The following SPATS2L variants were observed in gnomAD, a reference collection of about 807,000 sequenced individuals.
SPATS2L encodes spermatogenesis associated serine rich 2 like.
SPATS2L carries 30 observed loss-of-function variants against 59.6 expected under a neutral mutation model. That is an observed-to-expected ratio of 0.50 (90% confidence interval 0.38 to 0.68). The LOEUF (loss-of-function observed/expected upper bound fraction) is 0.68. SPATS2L is among the 30% of genes least tolerant of loss of function. SPATS2L has a pLI of 0.00. For missense variants in SPATS2L, 615 were observed against 700.0 expected (o/e 0.88, Z 1.37); for synonymous variants, 252 against 263.5 (o/e 0.96, Z 0.42).
intron 7 of SPATS2L, among the ~76,000 whole-genome samples, chr2:200,440,387 T>C (rs2084614732): frequency 6.6e-6 from 1 of 152,214 alleles, no homozygotes; most frequent in South Asian, 2.1e-4. Flanking sequence ...TAGAATATAA[T>C]GATGACAGCC....
At chr2:200,400,603 CATTTTA>C (rs1031263244) in intron 3 of SPATS2L, among the ~76,000 whole-genome samples, 3 of 152,094 alleles carry the variant, frequency 2.0e-5, no homozygotes, top group Non-Finnish European at 2.9e-5. Context: ...TACTTTAGTT[CATTTTA>C]ATTTTACTTT....
chr2:200,437,858 C>A (rs992606215), intron 6 of SPATS2L, among the ~76,000 whole-genome samples: 1 of 152,090 alleles, frequency 6.6e-6, no homozygotes, highest in African/African-American at 2.4e-5. Flanking sequence ...AGTGTAGTCT[C>A]TGACTGTGTC....
chr2:200,372,204 T>C (rs1439305141), intron 2 of SPATS2L: 1 of 985,168 alleles, frequency 1.0e-6, no homozygotes, highest in Non-Finnish European at 1.2e-6. Flanking sequence ...TGTTTCTCCC[T>C]TTGGAATTCT....
In SPATS2L at chr2:200,333,016, C is replaced by G. The variant is rs1289562595; in HGVS notation, c.-23+3536C>G. ...CAGATATGGCCTGGGTTTGTTAGCT[C>G]ATGCCTGTAATACCAGCCCTTTGGG... is the stretch of plus-strand genomic sequence containing the variant. On this transcript the variant is annotated intron_variant, in intron 2 of 12. Transcript: ENST00000409140. 5.3e-5 allele frequency among the ~76,000 whole-genome samples: 8 copies of G among 152,148 alleles called. No individual in the cohort carries two copies. The East Asian group carries it at 9.7e-4, about 18-fold the overall frequency.
At chr2:200,330,880 G>T (rs997759579) in intron 2 of SPATS2L, among the ~76,000 whole-genome samples, 12 of 152,188 alleles carry the variant, frequency 7.9e-5, no homozygotes, top group African/African-American at 2.9e-4. Flanking sequence ...GTGTTGGAAC[G>T]CTACTTGTAC....
At chr2:200,377,971 G>C (rs905090261) in intron 2 of SPATS2L, 1 of 152,168 alleles carries the variant, frequency 6.6e-6, no homozygotes, top group African/African-American at 2.4e-5. Flanking sequence ...TCAGCCTCAG[G>C]GGCAGTGAGT....
intron 12 of SPATS2L, 121 bp from the exon 13 acceptor site, chr2:200,477,515 T>TAAAAAAAAAAAAAAAAAGAAAA (rs2087631078): frequency 3.7e-6 from 1 of 268,514 alleles, no homozygotes; most frequent in African/African-American, 4.4e-5. Context: ...TTCTGGTGTA[T>TAAAAAAAAAAAAAAAAAGAAAA]AAAAAAAAAA....
intron 9 of SPATS2L, among the ~76,000 whole-genome samples, chr2:200,464,926 G>A (rs1425253356): frequency 3.3e-5 from 5 of 152,160 alleles, no homozygotes; most frequent in African/African-American, 9.7e-5. Flanking sequence ...AATCAAAGGT[G>A]TGGATCCTAA....
rs1366889754 is a variant in SPATS2L at position 200,480,533 on chromosome 2, GCTA to G, written c.*2505_*2507del. The G allele has an allele frequency of 6.6e-6, 1 of 151,964 alleles. No homozygotes were observed. 9.4% of individuals were successfully genotyped at this position (151,964 alleles called of 1,614,324 possible). On this transcript the variant is annotated 3_prime_UTR_variant, in exon 13 of 13. Transcript: ENST00000409140. ...TACAGGTGTGCACCACAACGTCCCA[GCTA>G]CTTTTTAAATTTTTAGTAGAAACGA... is the stretch of plus-strand genomic sequence containing the variant.
chr2:200,477,031 G>A (rs1023397702), intron 12 of SPATS2L, among the ~76,000 whole-genome samples: 3 of 152,202 alleles, frequency 2.0e-5, no homozygotes, highest in African/African-American at 2.4e-5. Flanking sequence ...AGTCTCCGAC[G>A]TGCAGCTGCT....
intron 12 of SPATS2L, among the ~76,000 whole-genome samples, chr2:200,474,411 A>G (rs1358946503): frequency 3.9e-5 from 6 of 151,986 alleles, no homozygotes; most frequent in Admixed American, 1.3e-4. Flanking sequence ...GGCTCAAACA[A>G]TCCACCAGGC....
At chr2:200,475,048 C>T (rs1341365099) in intron 12 of SPATS2L, among the ~76,000 whole-genome samples, 1 of 152,224 alleles carries the variant, frequency 6.6e-6, no homozygotes, top group Non-Finnish European at 1.5e-5. Flanking sequence ...TTCCTGTATA[C>T]ATCATCTTGA....
At chr2:200,389,633 G>A (rs2082109235) in intron 3 of SPATS2L, 1 of 206,174 alleles carries the variant, frequency 4.9e-6, no homozygotes, top group African/African-American at 2.3e-5. Context: ...CATGCAGTGT[G>A]CCATTCCACC....
chr2:200,402,046 T>C (rs1405535849), intron 3 of SPATS2L, among the ~76,000 whole-genome samples: 1 of 152,160 alleles, frequency 6.6e-6, no homozygotes, highest in Non-Finnish European at 1.5e-5. Flanking sequence ...ATCTTCCCCA[T>C]TCCCTGCATC....
rs912065973 is a variant in SPATS2L, at chr2:200,407,929, T to A, written c.40-4382T>A. Among the ~76,000 whole-genome samples the A allele has an allele frequency of 3.3e-5, 5 of 152,296 alleles. No homozygotes were observed. In the South Asian group the frequency reaches 1.0e-3, roughly 32 times the overall value. On this transcript the variant is annotated intron_variant, in intron 3 of 12. Coordinates refer to ENST00000409140, the MANE Select transcript of SPATS2L (RefSeq NM_001100423.2). The stretch of plus-strand genomic sequence containing the variant: ...ACTCAACAAATATGTATTAAATACC[T>A]ACTACATGCACCGTATTAGTCGCTT...
At chr2:200,396,067 T>TATA (rs1491208283) in intron 3 of SPATS2L, among the ~76,000 whole-genome samples, 1 of 27,274 alleles carries the variant, frequency 3.7e-5, no homozygotes, top group Non-Finnish European at 7.0e-5. Context: ...TATATATATA[T>TATA]TTTCCCATAG....
At chr2:200,418,428 G>A (rs1274948200) in intron 5 of SPATS2L, among the ~76,000 whole-genome samples, 1 of 152,018 alleles carries the variant, frequency 6.6e-6, no homozygotes, top group Non-Finnish European at 1.5e-5. Context: ...TTAAAAAATA[G>A]CTGCATGTGG....
At chr2:200,459,058 A>G (rs759652559) in intron 8 of SPATS2L, among the ~76,000 whole-genome samples, 8 of 152,326 alleles carry the variant, frequency 5.3e-5, no homozygotes, top group East Asian at 3.9e-4. Context: ...GTCATGATGC[A>G]TTACTTCTGG....
At chr2:200,408,475 G>A (rs1055815130) in intron 3 of SPATS2L, among the ~76,000 whole-genome samples, 8 of 152,176 alleles carry the variant, frequency 5.3e-5, no homozygotes, top group African/African-American at 1.9e-4. Context: ...ATAATGCCGG[G>A]TCTTTGCTGA....
Sources: gnomAD v4.1 joint callset for allele counts (sites outside exome capture counted in the v4.1 genomes callset) on GRCh38, gnomAD v4.1.1 for gene constraint, MANE v1.5 for transcripts, NCBI Gene and HGNC (gene_info 2026-07-23, HGNC 2026-07-21) for gene names.